The following TMTC1 variants were observed in gnomAD, a reference collection of about 807,000 sequenced individuals.
TMTC1 encodes the protein protein O-mannosyl-transferase TMTC1.
A neutral mutation model predicts 104.8 loss-of-function variants in TMTC1; 73 were observed. That is an observed-to-expected ratio of 0.70 (90% confidence interval 0.58 to 0.85). TMTC1 has a LOEUF of 0.85. Ranked by LOEUF, TMTC1 falls within the 40% of genes least tolerant of loss-of-function variation. The pLI, the probability that TMTC1 is intolerant of heterozygous loss-of-function variation, is 0.00. For missense variants in TMTC1, 1,035 were observed against 1,096.1 expected, an observed-to-expected ratio of 0.94 and a Z score of 0.79; for synonymous variants, 434 against 428.7, an observed-to-expected ratio of 1.01 and a Z score of -0.15.
chr12:29,753,072 T>C (rs1431835527), intron 4 of TMTC1, among the ~76,000 whole-genome samples: 1 of 152,216 alleles, frequency 6.6e-6, no homozygotes, highest in Non-Finnish European at 1.5e-5. Context: ...AGGAATAAAC[T>C]GCACTTGTAG....
chr12:29,619,963 C>T (rs1391474743), intron 6 of TMTC1, among the ~76,000 whole-genome samples: 2 of 152,182 alleles, frequency 1.3e-5, no homozygotes, highest in Non-Finnish European at 2.9e-5. Flanking sequence ...GGGAGGAGAG[C>T]ATTAACTTTT....
At chr12:29,675,583 T>C (rs1940691639) in intron 5 of TMTC1, among the ~76,000 whole-genome samples, 2 of 125,088 alleles carry the variant, frequency 1.6e-5, no homozygotes, top group African/African-American at 5.8e-5. Context: ...TGGACACACA[T>C]GCAAATACAC....
chr12:29,685,435 A>C (rs1941061765), intron 5 of TMTC1, among the ~76,000 whole-genome samples: 1 of 152,114 alleles, frequency 6.6e-6, no homozygotes, highest in African/African-American at 2.4e-5. Context: ...CAATACATTA[A>C]AAATTGTAGT....
intron 11 of TMTC1, among the ~76,000 whole-genome samples, chr12:29,525,965 T>G (rs1479736199): frequency 3.9e-5 from 6 of 152,202 alleles, no homozygotes; most frequent in Admixed American, 3.9e-4. Context: ...TAGCTACTAT[T>G]ACAGCCATCA....
intron 1 of TMTC1, among the ~76,000 whole-genome samples, chr12:29,775,903 A>T (rs1943696719): frequency 6.6e-6 from 1 of 152,090 alleles, no homozygotes; most frequent in African/African-American, 2.4e-5. Flanking sequence ...CTTAGGTGTG[A>T]TCCCAGGAGT....
intron 1 of TMTC1, among the ~76,000 whole-genome samples, chr12:29,768,698 G>A (rs550436817): frequency 3.8e-4 from 58 of 152,294 alleles, no homozygotes; most frequent in African/African-American, 1.2e-3. Flanking sequence ...AAAGCATCAT[G>A]TTCCACAATG....
chr12:29,660,780 A>ATT, intron 5 of TMTC1: 1 of 596,602 alleles, frequency 1.7e-6, no homozygotes. Flanking sequence ...TCAAAAGTAT[A>ATT]TATATATATA....
Position 29,504,443 on chromosome 12 carries a change from T to C in TMTC1, c.*2403A>G, listed in dbSNP as rs897469709. 6.6e-6 allele frequency: 1 copy of C among 152,300 alleles called. No individual in the cohort carries two copies. Among genetic ancestry groups the C allele is most frequent in the Admixed American group, 6.5e-5 (1 of 15,302 alleles). The allele number at this position is 152,300 out of a possible 1,614,324, so 9.4% of individuals were successfully genotyped here. On this transcript the variant is annotated 3_prime_UTR_variant, in exon 18 of 18. Coordinates refer to ENST00000539277, the MANE Select transcript of TMTC1 (RefSeq NM_001193451.2). ...CTGTTTTTACTGTGAAACTATTGCATTGGCCACATCTCAGTGAAGGTATTC... is the reference window on the plus strand; with the variant it reads ...CTGTTTTTACTGTGAAACTATTGCACTGGCCACATCTCAGTGAAGGTATTC...
intron 5 of TMTC1, among the ~76,000 whole-genome samples, chr12:29,661,745 AT>A (rs1329523407): frequency 3.9e-5 from 6 of 152,014 alleles, no homozygotes; most frequent in South Asian, 4.2e-4. Context: ...CAGTTAAATA[AT>A]TTTTTTAAGG....
intron 6 of TMTC1, among the ~76,000 whole-genome samples, chr12:29,629,135 C>T (rs1025099426): frequency 6.6e-6 from 1 of 151,662 alleles, no homozygotes; most frequent in African/African-American, 2.4e-5. Context: ...CTGGCTAACA[C>T]AGTGAAACCC....
intron 5 of TMTC1, among the ~76,000 whole-genome samples, chr12:29,643,816 T>C (rs191354240): frequency 0.063 from 3,261 of 52,080 alleles, 417 homozygotes; most frequent in African/African-American, 0.097. Context: ...TATATTTATA[T>C]ATATTTATAT....
At chr12:29,752,857 C>T (rs1349657127) in intron 4 of TMTC1, among the ~76,000 whole-genome samples, 1 of 152,172 alleles carries the variant, frequency 6.6e-6, no homozygotes, top group Non-Finnish European at 1.5e-5. Context: ...GTGCCAAATT[C>T]AGGATTGTGA....
chr12:29,705,474 C>A (rs1259948350), intron 5 of TMTC1, among the ~76,000 whole-genome samples: 1 of 152,064 alleles, frequency 6.6e-6, no homozygotes, highest in Admixed American at 6.6e-5. Flanking sequence ...CCATCTATAC[C>A]AGGAAAAGGA....
intron 5 of TMTC1, among the ~76,000 whole-genome samples, chr12:29,633,612 A>T (rs1475497467): frequency 6.6e-6 from 1 of 152,222 alleles, no homozygotes; most frequent in East Asian, 1.9e-4. Context: ...AAATTATCAT[A>T]CAAATAAACA....
At position 29,731,448 on chromosome 12, in the gene TMTC1, G is replaced by A. The variant is rs1942543688; in HGVS notation, c.938+20218C>T. 2.0e-5 allele frequency among the ~76,000 whole-genome samples: 3 copies of A among 152,188 alleles called. 1 individual carries two copies. Among genetic ancestry groups the A allele is most frequent in the Admixed American group, 2.0e-4 (3 of 15,272 alleles). ...TGGAATTATATGCCCACAATGCACGGCCGCAAATTGGATTTTAAACAACGT... is the reference window on the plus strand; with the variant it reads ...TGGAATTATATGCCCACAATGCACGACCGCAAATTGGATTTTAAACAACGT... On this transcript the variant is annotated intron_variant, in intron 5 of 17. Transcript: ENST00000539277.
chr12:29,704,302 G>C (rs1371372475), intron 5 of TMTC1, among the ~76,000 whole-genome samples: 3 of 152,160 alleles, frequency 2.0e-5, no homozygotes, highest in African/African-American at 7.2e-5. Context: ...GTCCAGCTTT[G>C]TATCATCAAA....
At chr12:29,724,550 A>C (rs912394777) in intron 5 of TMTC1, among the ~76,000 whole-genome samples, 12 of 152,202 alleles carry the variant, frequency 7.9e-5, no homozygotes, top group Non-Finnish European at 1.3e-4. Flanking sequence ...TCCAACTTAC[A>C]CAGCATTACA....
At chr12:29,705,015 A>T (rs1941701132) in intron 5 of TMTC1, among the ~76,000 whole-genome samples, 1 of 152,258 alleles carries the variant, frequency 6.6e-6, no homozygotes, top group Non-Finnish European at 1.5e-5. Context: ...ATTCAGGAGG[A>T]CAAAATGCTG....
intron 5 of TMTC1, among the ~76,000 whole-genome samples, chr12:29,734,547 C>A (rs1353326723): frequency 6.6e-6 from 1 of 152,066 alleles, no homozygotes; most frequent in Non-Finnish European, 1.5e-5. Context: ...TTCTACAAAC[C>A]AAACGGAGGA....
Sources: gnomAD v4.1 joint callset for allele counts (sites outside exome capture counted in the v4.1 genomes callset) on GRCh38, gnomAD v4.1.1 for gene constraint, MANE v1.5 for transcripts, NCBI Gene and HGNC (gene_info 2026-07-23, HGNC 2026-07-21) for gene names.